Variants in SLC25A18 observed in about 807,000 individuals in gnomAD.
SLC25A18 encodes mitochondrial glutamate carrier 2.
A neutral mutation model predicts 31.1 loss-of-function variants in SLC25A18; 24 were observed. That is an observed-to-expected ratio of 0.77 (90% CI 0.56 to 1.08). SLC25A18 has a LOEUF of 1.08. Among genes scored for constraint, SLC25A18 ranks in the 50% least tolerant of loss-of-function variants. SLC25A18 has a pLI of 0.00. For missense variants in SLC25A18, 371 were observed against 418.5 expected, an observed-to-expected ratio of 0.89 and a Z score of 0.99; for synonymous variants, 173 against 161.9, an observed-to-expected ratio of 1.07 and a Z score of -0.52.
intron 2 of SLC25A18, among the ~76,000 whole-genome samples, chr22:17,578,687 T>G (rs1428862440): frequency 6.6e-6 from 1 of 152,174 alleles, no homozygotes; most frequent in Non-Finnish European, 1.5e-5. Flanking sequence ...TCCCAGCACT[T>G]TGGGAGCCTG....
chr22:17,587,397 G>A lies in SLC25A18; in HGVS notation c.575+96G>A, dbSNP rs914104189. The A allele has an allele frequency of 2.1e-6, 3 of 1,441,036 alleles. No individual in the cohort carries two copies. The African/African-American group carries it at 4.3e-5, about 20-fold the overall frequency. 89.3% of individuals were successfully genotyped at this position (1,441,036 alleles called of 1,614,324 possible). A position where few individuals can be genotyped will look rare whatever the true frequency, so the allele number is the denominator to read the frequency against. Reference sequence around the variant, plus strand: ...CCTATCTGCCTCTGTGTCCTTCCCAGAATATCCAAACCCAGGTGAGCAAAC... The same window carrying A: ...CCTATCTGCCTCTGTGTCCTTCCCAAAATATCCAAACCCAGGTGAGCAAAC... On this transcript the variant is annotated intron_variant, in intron 8 of 10. Transcript: ENST00000327451.
chr22:17,580,910 G>C, intron 3 of SLC25A18, 127 bp from the exon 4 acceptor site: 1 of 1,437,866 alleles, frequency 7.0e-7, no homozygotes, highest in Non-Finnish European at 9.2e-7. Context: ...GGCTGAAGAG[G>C]GTCTCTGGAC....
At chr22:17,571,057 C>T (rs76831496) in intron 2 of SLC25A18, among the ~76,000 whole-genome samples, 1,967 of 152,256 alleles carry the variant, frequency 0.013, 28 homozygotes, top group African/African-American at 0.033. Flanking sequence ...GCAAGACTGA[C>T]GTGTTCCGAA....
chr22:17,589,315 G>A (rs1009497894), intron 9 of SLC25A18: 12 of 322,052 alleles, frequency 3.7e-5, no homozygotes, highest in Non-Finnish European at 6.0e-6. Flanking sequence ...TGAGTAGCTG[G>A]GACTACAGGA....
chr22:17,568,614 T>C (rs1313676771), intron 1 of SLC25A18, among the ~76,000 whole-genome samples: 1 of 117,654 alleles, frequency 8.5e-6, no homozygotes, highest in Non-Finnish European at 1.6e-5. Context: ...CAGGCTGGAG[T>C]GCAGTGGTGC....
chr22:17,569,211 T>C (rs1382199277), intron 1 of SLC25A18, among the ~76,000 whole-genome samples: 1 of 151,904 alleles, frequency 6.6e-6, no homozygotes, highest in East Asian at 2.0e-4. Flanking sequence ...GGTTTTACCA[T>C]GTTAGCCAGG....
intron 7 of SLC25A18, among the ~76,000 whole-genome samples, chr22:17,584,444 A>AG (rs1257959948): frequency 8.1e-6 from 1 of 123,356 alleles, no homozygotes; most frequent in African/African-American, 4.1e-5. Context: ...GGAAGGAAGG[A>AG]AGGAGAGAGA....
rs139221240 is a variant in SLC25A18 at position 17,585,587 on chromosome 22, T to C, written c.410-1549T>C. On this transcript the variant is annotated intron_variant, in intron 7 of 10. Transcript: ENST00000327451. ...CAGAATTTCAGTGTCACAAATCCCA[T>C]GGTTATTAATGGGGCTCACAACATT... Among the ~76,000 whole-genome samples, 31 of 151,792 alleles carry C rather than the reference T, an allele frequency of 2.0e-4. 1 individual carries two copies. In the East Asian group the frequency reaches 4.8e-3, roughly 24 times the overall value.
intron 10 of SLC25A18, among the ~76,000 whole-genome samples, 199 bp downstream of exon 10, chr22:17,589,864 C>CAA (rs2057669196): frequency 1.3e-5 from 2 of 152,306 alleles, no homozygotes; most frequent in East Asian, 1.9e-4. Flanking sequence ...CATCTCTCAC[C>CAA]AAAGATTCTA....
rs1259663069 is a variant in SLC25A18 at position 17,581,085 on chromosome 22, G to A, written c.69G>A (p.Val23=). Residue 23 remains valine, a synonymous_variant, in exon 4 of 11, where the codon GTG becomes GTA. Transcript: ENST00000327451. ...GAGGTGTAGCAGGGCTCGTGGGGGT[G>A]ACCTGCGTGTTCCCCATCGACTTGG... ...INGGVAGLVG[V]TCVFPIDLAK... 2 of 1,566,232 alleles carry A rather than the reference G, an allele frequency of 1.3e-6. No individual in the cohort carries two copies. The highest frequency in any genetic ancestry group is 1.9e-5 in the Admixed American group (1 of 52,024).
chr22:17,581,056 A>T lies in SLC25A18; in HGVS notation c.40A>T (p.Asn14Tyr). Residue 14 changes from asparagine (N) to tyrosine (Y), a missense_variant, in exon 4 of 11, where the codon AAT becomes TAT. Physicochemically the swap from Asn to Tyr is moderately radical, Grantham distance 143. Transcript: ENST00000327451. ...QDLSITAKLI[N>Y]GGVAGLVGVT... ...TCCTAGCATCACAGCCAAACTCATC[A>T]ATGGAGGTGTAGCAGGGCTCGTGGG... 1 of 1,554,640 alleles carries T rather than the reference A, an allele frequency of 6.4e-7. No homozygotes were observed.
chr22:17,570,663 A>G (rs9618051), intron 2 of SLC25A18, among the ~76,000 whole-genome samples: 44,428 of 151,572 alleles, frequency 0.29, 6,593 homozygotes, highest in East Asian at 0.41. Flanking sequence ...TTTTTTTTCT[A>G]TTAGTAGAGA....
chr22:17,587,307 C>T lies in SLC25A18; in HGVS notation c.575+6C>T, dbSNP rs2057578413. 1 of 1,607,528 alleles carries T rather than the reference C, an allele frequency of 6.2e-7. No individual in the cohort carries two copies. Among genetic ancestry groups the T allele is most frequent in the Non-Finnish European group, 8.5e-7 (1 of 1,178,096 alleles). On this transcript the variant is annotated splice_donor_region_variant and intron_variant, in intron 8 of 10. Coordinates refer to ENST00000327451, the MANE Select transcript of SLC25A18 (RefSeq NM_031481.3). Reference sequence around the variant, plus strand: ...CTGGGTGCCACTCTCCTCAGGTGAGCCTTTCTTCCGGTTCCCTAGGACAAG... The same window carrying T: ...CTGGGTGCCACTCTCCTCAGGTGAGTCTTTCTTCCGGTTCCCTAGGACAAG...
intron 1 of SLC25A18, among the ~76,000 whole-genome samples, chr22:17,565,397 A>T (rs2056910148): frequency 6.6e-6 from 1 of 151,278 alleles, no homozygotes; most frequent in Admixed American, 6.6e-5. Context: ...TCTATTTTTT[A>T]ATAGAGATAG....
chr22:17,568,858 G>C (rs2057012753), intron 1 of SLC25A18, among the ~76,000 whole-genome samples: 1 of 151,842 alleles, frequency 6.6e-6, no homozygotes, highest in South Asian at 2.1e-4. Flanking sequence ...ACCGTGCCCG[G>C]CCTGTATAAA....
intron 2 of SLC25A18, among the ~76,000 whole-genome samples, chr22:17,571,931 C>T (rs539401387): frequency 6.6e-6 from 1 of 151,522 alleles, no homozygotes; most frequent in Admixed American, 6.6e-5. Context: ...GCAGGAGAAT[C>T]GCTTGAACCT....
chr22:17,576,762 T>A (rs974629095), intron 2 of SLC25A18, among the ~76,000 whole-genome samples: 24 of 152,274 alleles, frequency 1.6e-4, no homozygotes, highest in Admixed American at 1.4e-3. Context: ...AGCCTCAGGG[T>A]AGGGAGGCTC....
intron 3 of SLC25A18, chr22:17,580,632 C>A: frequency 1.0e-6 from 1 of 1,002,106 alleles, no homozygotes; most frequent in Non-Finnish European, 1.2e-6. Flanking sequence ...GAGGAGAGGT[C>A]ACAGTCAGGA....
At position 17,590,382 on chromosome 22, in the gene SLC25A18, C is replaced by G. The variant is rs1199201943; in HGVS notation, c.*146C>G. 1.1e-6 allele frequency: 1 copy of G among 932,712 alleles called. No homozygotes were observed. The highest frequency in any genetic ancestry group is 2.5e-5 in the East Asian group (1 of 40,384). 57.8% of individuals were successfully genotyped at this position (932,712 alleles called of 1,614,324 possible). On this transcript the variant is annotated 3_prime_UTR_variant, in exon 11 of 11. Transcript: ENST00000327451. The stretch of plus-strand genomic sequence containing the variant: ...TACCTCAATCTCGGGAGAAACAGCC[C>G]TATATTCTAACAAGTTGAGCACAGC...
Sources: gnomAD v4.1 joint callset for allele counts (sites outside exome capture counted in the v4.1 genomes callset) on GRCh38, gnomAD v4.1.1 for gene constraint, MANE v1.5 for transcripts, NCBI Gene and HGNC (gene_info 2026-07-23, HGNC 2026-07-21) for gene names.